Variants in GALNT11 observed in about 807,000 individuals in gnomAD.
GALNT11 encodes polypeptide N-acetylgalactosaminyltransferase 11, also known as UDP-GalNAc:polypeptide N-acetylgalactosaminyltransferase 11.
GALNT11 carries 47 observed loss-of-function variants against 72.7 expected under a neutral mutation model. The ratio of observed to expected loss-of-function variants is 0.65; its 90% CI spans 0.51 to 0.82. The LOEUF (loss-of-function observed/expected upper bound fraction) is 0.82, where lower values mean the gene tolerates loss of function less well. GALNT11 is among the 40% of genes least tolerant of loss of function. The pLI, the probability that GALNT11 is intolerant of heterozygous loss-of-function variation, is 0.00. For synonymous variants in GALNT11, 270 were observed against 286.6 expected (o/e 0.94, Z 0.58); for missense variants, 677 against 778.4 (o/e 0.87, Z 1.55).
intron 1 of GALNT11, among the ~76,000 whole-genome samples, chr7:152,041,383 C>T (rs1381274374): frequency 2.0e-5 from 3 of 152,114 alleles, no homozygotes; most frequent in Non-Finnish European, 4.4e-5. Flanking sequence ...TGTATTTGTG[C>T]CTTTATGAGG....
chr7:152,040,152 A>G (rs971547205), intron 1 of GALNT11, among the ~76,000 whole-genome samples: 6 of 151,828 alleles, frequency 4.0e-5, no homozygotes, highest in East Asian at 2.0e-4. Flanking sequence ...ATCTGTTTCA[A>G]TAGAAGCTGG....
intron 1 of GALNT11, among the ~76,000 whole-genome samples, chr7:152,070,960 G>A (rs1232952283): frequency 6.6e-6 from 1 of 152,110 alleles, no homozygotes; most frequent in African/African-American, 2.4e-5. Flanking sequence ...TTTTTATTAG[G>A]GATTTTCAAA....
chr7:152,103,201 C>T lies in GALNT11; in HGVS notation c.509C>T (p.Thr170Ile), dbSNP rs900307512. 6.2e-7 allele frequency: 1 copy of T among 1,613,564 alleles called. No individual in the cohort carries two copies. Among genetic ancestry groups the T allele is most frequent in the African/African-American group, 1.3e-5 (1 of 74,900 alleles). ...GAAGCGTTTTCTGCCTTGCTTCGGA[C>T]AGTGCACAGTGTCATAGACCGCACG... is the stretch of plus-strand genomic sequence containing the variant. ...YNEAFSALLR[T>I]VHSVIDRTPA... Residue 170 changes from threonine (T) to isoleucine (I), a missense_variant, in exon 4 of 12, where the codon ACA becomes ATA. Physicochemically the swap from Thr to Ile is moderately conservative, Grantham distance 89 (BLOSUM62 -1). Transcript: ENST00000430044.
intron 1 of GALNT11, among the ~76,000 whole-genome samples, chr7:152,061,572 T>A (rs566556115): frequency 2.7e-3 from 415 of 152,370 alleles, no homozygotes; most frequent in African/African-American, 9.4e-3. Context: ...TGAATGGTAT[T>A]GCCTAGGTTT....
intron 8 of GALNT11, among the ~76,000 whole-genome samples, chr7:152,114,551 G>C (rs2088632265): frequency 6.6e-6 from 1 of 151,296 alleles, no homozygotes; most frequent in South Asian, 2.1e-4. Context: ...TCAACATTTA[G>C]GTTGTTTCCA....
At chr7:152,063,333 C>T (rs1194685669) in intron 1 of GALNT11, among the ~76,000 whole-genome samples, 1 of 151,892 alleles carries the variant, frequency 6.6e-6, no homozygotes, top group Non-Finnish European at 1.5e-5. Flanking sequence ...TTTTTTATTG[C>T]GTCTATTTGA....
intron 2 of GALNT11, among the ~76,000 whole-genome samples, chr7:152,099,363 T>C (rs912214748): frequency 1.3e-4 from 20 of 149,776 alleles, no homozygotes; most frequent in Non-Finnish European, 2.5e-4. Context: ...TATTTATTTA[T>C]TTATTTATTT....
At chr7:152,064,349 C>G (rs1395123911) in intron 1 of GALNT11, among the ~76,000 whole-genome samples, 1 of 152,146 alleles carries the variant, frequency 6.6e-6, no homozygotes, top group Admixed American at 6.5e-5. Context: ...CTATGTGTGT[C>G]TCTGCACATG....
At chr7:152,070,885 G>C (rs542180041) in intron 1 of GALNT11, among the ~76,000 whole-genome samples, 1 of 152,114 alleles carries the variant, frequency 6.6e-6, no homozygotes, top group Non-Finnish European at 1.5e-5. Context: ...AAAGCTGGGC[G>C]TCCGGGGGAC....
chr7:152,057,454 C>T (rs2083750074), intron 1 of GALNT11, among the ~76,000 whole-genome samples: 5 of 151,750 alleles, frequency 3.3e-5, no homozygotes, highest in Admixed American at 2.0e-4. Flanking sequence ...TTACAGGCGC[C>T]TGCTACCATG....
At chr7:152,108,560 G>A (rs1397621701) in intron 6 of GALNT11, among the ~76,000 whole-genome samples, 1 of 152,218 alleles carries the variant, frequency 6.6e-6, no homozygotes, top group East Asian at 1.9e-4. Flanking sequence ...AGCCCTGGGA[G>A]GGCCCCGTGT....
intron 1 of GALNT11, among the ~76,000 whole-genome samples, chr7:152,057,704 A>G (rs184580694): frequency 6.6e-6 from 1 of 152,260 alleles, no homozygotes; most frequent in African/African-American, 2.4e-5. Flanking sequence ...AGATTTACAG[A>G]ATATTGTGAA....
intron 2 of GALNT11, among the ~76,000 whole-genome samples, chr7:152,098,634 T>G (rs2086550434): frequency 6.6e-6 from 1 of 152,156 alleles, no homozygotes; most frequent in East Asian, 1.9e-4. Flanking sequence ...TAGAACATGA[T>G]TCTTTCATGT....
At chr7:152,116,973 C>T (rs1367889404) in intron 8 of GALNT11, 184 bp from the exon 9 acceptor site, 2 of 701,058 alleles carry the variant, frequency 2.9e-6, no homozygotes, top group Non-Finnish European at 5.2e-6. Context: ...GACTGAGACT[C>T]ACGAGTTTGA....
intron 1 of GALNT11, among the ~76,000 whole-genome samples, chr7:152,088,032 CT>C (rs1265965005): frequency 6.6e-6 from 1 of 152,198 alleles, no homozygotes; most frequent in Non-Finnish European, 1.5e-5. Flanking sequence ...AACTTGGAGG[CT>C]TGTTTAAGCT....
chr7:152,117,317 A>G lies in GALNT11; in HGVS notation c.1394A>G (p.Gln465Arg). ...ATATCTGGGTCCCACGCCAAACCCC[A>G]ACAACCCATTTTTGTCAATAGAGGG... ...MQISGSHAKP[Q>R]QPIFVNRGPK... is the part of the protein sequence containing the mutation. The change falls in exon 9 of 12, where the codon CAA becomes CGA. Residue 465 changes from glutamine (Q) to arginine (R), a missense_variant. Coordinates refer to ENST00000430044, the MANE Select transcript of GALNT11 (RefSeq NM_022087.4). 6.2e-7 allele frequency: 1 copy of G among 1,614,226 alleles called. No homozygotes were observed. The highest frequency in any genetic ancestry group is 1.1e-5 in the South Asian group (1 of 91,084).
chr7:152,080,264 C>T (rs2085241963), intron 1 of GALNT11, among the ~76,000 whole-genome samples: 1 of 152,102 alleles, frequency 6.6e-6, no homozygotes. Flanking sequence ...ATGGAAATCC[C>T]CTTTGCTTGT....
chr7:152,113,750 T>C (rs1481547819), intron 8 of GALNT11, among the ~76,000 whole-genome samples: 2 of 62,586 alleles, frequency 3.2e-5, no homozygotes, highest in Non-Finnish European at 6.6e-5. Flanking sequence ...TTTTTTTTTT[T>C]TTTTGAGACA....
intron 1 of GALNT11, among the ~76,000 whole-genome samples, chr7:152,042,909 A>G (rs1031791557): frequency 1.5e-4 from 23 of 152,236 alleles, no homozygotes; most frequent in African/African-American, 5.3e-4. Flanking sequence ...TTGGCCACGC[A>G]GACGGCCAGT....
Sources: allele counts gnomAD v4.1 joint callset (sites outside exome capture counted in the v4.1 genomes callset), GRCh38; gene constraint gnomAD v4.1.1; transcripts MANE v1.5; gene names NCBI Gene and HGNC (gene_info 2026-07-23, HGNC 2026-07-21).